The following SYNDIG1 variants were observed in gnomAD, a reference collection of about 807,000 sequenced individuals.
The protein encoded by SYNDIG1 is synapse differentiation inducing 1, also known as synapse differentiation-inducing gene protein 1.
SYNDIG1 carries 9 observed loss-of-function variants against 19.4 expected under a neutral mutation model. The ratio of observed to expected loss-of-function variants is 0.46; its 90% CI spans 0.28 to 0.81. The LOEUF is 0.81. Among genes scored for constraint, SYNDIG1 ranks in the 30% least tolerant of loss-of-function variants. SYNDIG1 has a pLI of 0.12. For missense variants in SYNDIG1, 311 were observed against 343.3 expected (o/e 0.91, Z 0.74); for synonymous variants, 141 against 145.9 (o/e 0.97, Z 0.24).
intron 2 of SYNDIG1, 50 bp downstream of exon 2, chr20:24,543,627 T>G: frequency 6.4e-7 from 1 of 1,570,498 alleles, no homozygotes. Flanking sequence ...TGATGGGGAT[T>G]CTAGGGAGGG....
chr20:24,513,325 C>G (rs1302624786), intron 1 of SYNDIG1, among the ~76,000 whole-genome samples: 1 of 152,194 alleles, frequency 6.6e-6, no homozygotes. Context: ...TCAAACTTCT[C>G]CAAGCTAAAT....
chr20:24,572,912 G>A (rs1420599694), intron 2 of SYNDIG1, among the ~76,000 whole-genome samples: 1 of 152,148 alleles, frequency 6.6e-6, no homozygotes, highest in Non-Finnish European at 1.5e-5. Flanking sequence ...GCTCAGAGAC[G>A]ATTCAGATGG....
At chr20:24,594,866 G>C (rs183555340) in intron 3 of SYNDIG1, among the ~76,000 whole-genome samples, 1 of 152,204 alleles carries the variant, frequency 6.6e-6, no homozygotes, top group South Asian at 2.1e-4. Context: ...TGTTGATTTT[G>C]TATGTTAAAA....
chr20:24,570,792 A>G (rs1658590114), intron 2 of SYNDIG1, among the ~76,000 whole-genome samples: 1 of 152,248 alleles, frequency 6.6e-6, no homozygotes, highest in Non-Finnish European at 1.5e-5. Flanking sequence ...TATTTGTGCT[A>G]AGGAAATAAA....
chr20:24,517,568 G>A (rs1366608091), intron 1 of SYNDIG1, among the ~76,000 whole-genome samples: 2 of 146,284 alleles, frequency 1.4e-5, no homozygotes, highest in African/African-American at 5.0e-5. Context: ...GCAGTGAGCC[G>A]AGATCGCGCC....
chr20:24,573,780 A>G (rs2058182018), intron 2 of SYNDIG1, among the ~76,000 whole-genome samples: 1 of 152,104 alleles, frequency 6.6e-6, no homozygotes, highest in Non-Finnish European at 1.5e-5. Flanking sequence ...CCAGAGTCTC[A>G]TGGTCGTGTT....
chr20:24,526,224 A>T (rs894197879), intron 1 of SYNDIG1, among the ~76,000 whole-genome samples: 3 of 152,008 alleles, frequency 2.0e-5, no homozygotes, highest in African/African-American at 7.2e-5. Context: ...GTGAATACTG[A>T]TATGTTTGGA....
intron 3 of SYNDIG1, among the ~76,000 whole-genome samples, chr20:24,656,175 C>G (rs973041613): frequency 1.3e-5 from 2 of 152,164 alleles, no homozygotes; most frequent in Admixed American, 6.5e-5. Flanking sequence ...AAGCTGTGTA[C>G]TGATGCACAG....
At chr20:24,542,606 G>A (rs1273955023) in intron 1 of SYNDIG1, among the ~76,000 whole-genome samples, 4 of 152,218 alleles carry the variant, frequency 2.6e-5, no homozygotes, top group Non-Finnish European at 5.9e-5. Context: ...TTTCCTGCTT[G>A]AATGAACAGC....
intron 1 of SYNDIG1, among the ~76,000 whole-genome samples, chr20:24,488,045 G>A (rs903821275): frequency 6.6e-6 from 1 of 152,190 alleles, no homozygotes; most frequent in African/African-American, 2.4e-5. Context: ...CCCAGAAAAT[G>A]AGATGACTCC....
At chr20:24,555,997 G>A (rs905010286) in intron 2 of SYNDIG1, among the ~76,000 whole-genome samples, 11 of 152,068 alleles carry the variant, frequency 7.2e-5, no homozygotes, top group Non-Finnish European at 1.3e-4. Context: ...TCCTCTATTG[G>A]GTGCATATAT....
intron 3 of SYNDIG1, among the ~76,000 whole-genome samples, chr20:24,634,853 G>T (rs894027927): frequency 8.5e-5 from 13 of 152,218 alleles, no homozygotes; most frequent in African/African-American, 2.4e-5. Flanking sequence ...ATCTTCAGTG[G>T]TTGCTGGAGG....
At chr20:24,622,214 G>T (rs2059050184) in intron 3 of SYNDIG1, among the ~76,000 whole-genome samples, 1 of 152,174 alleles carries the variant, frequency 6.6e-6, no homozygotes, top group Non-Finnish European at 1.5e-5. Flanking sequence ...ATACAAAACA[G>T]ACAAAGAAAT....
intron 3 of SYNDIG1, among the ~76,000 whole-genome samples, chr20:24,605,690 T>C (rs1228961754): frequency 6.6e-6 from 1 of 152,216 alleles, no homozygotes; most frequent in Non-Finnish European, 1.5e-5. Flanking sequence ...GTGGATTGGA[T>C]AGATTTTTTT....
chr20:24,583,688 T>C (rs1481880305), intron 2 of SYNDIG1, among the ~76,000 whole-genome samples: 1 of 152,078 alleles, frequency 6.6e-6, no homozygotes, highest in Non-Finnish European at 1.5e-5. Flanking sequence ...CCTGGAGGAG[T>C]CACCTGCCCT....
At chr20:24,509,384 A>G (rs2056684664) in intron 1 of SYNDIG1, among the ~76,000 whole-genome samples, 1 of 152,184 alleles carries the variant, frequency 6.6e-6, no homozygotes, top group Non-Finnish European at 1.5e-5. Flanking sequence ...TGGAGTTAAT[A>G]TTGTCCATCC....
At chr20:24,641,283 GGATT>G (rs1020150529) in intron 3 of SYNDIG1, among the ~76,000 whole-genome samples, 27 of 149,692 alleles carry the variant, frequency 1.8e-4, no homozygotes, top group Admixed American at 5.3e-4. Flanking sequence ...ATGGATGGAT[GGATT>G]GATGGATGGA....
intron 3 of SYNDIG1, among the ~76,000 whole-genome samples, chr20:24,629,645 G>A (rs937083173): frequency 6.6e-6 from 1 of 152,216 alleles, no homozygotes; most frequent in Non-Finnish European, 1.5e-5. Flanking sequence ...CCTGTGCCAC[G>A]CCGTGCTGTA....
At chr20:24,660,655 G>T (rs1036492194) in intron 3 of SYNDIG1, among the ~76,000 whole-genome samples, 1 of 152,212 alleles carries the variant, frequency 6.6e-6, no homozygotes, top group Non-Finnish European at 1.5e-5. Context: ...TCTCGTACAC[G>T]GCTTGCTTTC....
Sources: allele counts gnomAD v4.1 joint callset (sites outside exome capture counted in the v4.1 genomes callset), GRCh38; gene constraint gnomAD v4.1.1; transcripts MANE v1.5; gene names NCBI Gene and HGNC (gene_info 2026-07-23, HGNC 2026-07-21).